ADAR: variants seen among roughly 807,000 people sequenced by gnomAD.
The protein encoded by ADAR is double-stranded RNA-specific adenosine deaminase.
Under a neutral mutation model 113.2 loss-of-function variants are expected in ADAR, and 41 were observed. The observed-to-expected ratio is 0.36, with a 90% CI of 0.28 to 0.47. The LOEUF is 0.47. Ranked by LOEUF, ADAR falls within the 20% of genes least tolerant of loss-of-function variation. The probability of loss-of-function intolerance (pLI) is 1.00; values close to 1 mark genes in which losing one functional copy is unlikely to be tolerated. For synonymous variants in ADAR, 605 were observed against 572.6 expected, an observed-to-expected ratio of 1.06 and a Z score of -0.81; for missense variants, 1,242 against 1,540.9, an observed-to-expected ratio of 0.81 and a Z score of 3.25.
chr1:154,589,641 C>T, intron 8 of ADAR, 116 bp downstream of exon 8: 1 of 1,366,344 alleles, frequency 7.3e-7, no homozygotes, highest in Non-Finnish European at 1.0e-6. Context: ...TTGACTGTAG[C>T]TAAAATGAAG....
rs765727722 is a variant in ADAR, at chr1:154,601,603, C to T, written c.1039G>A (p.Gly347Arg). 6.2e-7 allele frequency: 1 copy of T among 1,612,792 alleles called. No individual in the cohort carries two copies. Among genetic ancestry groups the T allele is most frequent in the East Asian group, 2.2e-5 (1 of 44,888 alleles). The change falls in exon 2 of 15, where the codon GGG becomes AGG. Residue 347 changes from glycine to arginine, a missense_variant. By Grantham distance (125) the Gly-to-Arg change is moderately radical. Transcript: ENST00000368474. The surrounding 1 kb of genome is among the most constrained non-coding windows in gnomAD (Gnocchi z 4.7). ...AAATGCCATATGGGAGGGGTTGTCCCTTGTCTATAGACATCCCCCTGCCTT... is the reference window on the plus strand; with the variant it reads ...AAATGCCATATGGGAGGGGTTGTCCTTTGTCTATAGACATCCCCCTGCCTT... ...MERQGDVYRQ[G>R]TTPPIWHLTD... is the part of the protein sequence containing the mutation.
At chr1:154,625,499 G>C (rs1289005062) in intron 1 of ADAR, among the ~76,000 whole-genome samples, 2 of 152,242 alleles carry the variant, frequency 1.3e-5, no homozygotes, top group Non-Finnish European at 2.9e-5. Context: ...TCAGTTGTTA[G>C]AGGGATGAAA....
At position 154,613,721 on chromosome 1, in the gene ADAR, A is replaced by G. The variant is rs572903875; in HGVS notation, c.-870-11095T>C. Among the ~76,000 whole-genome samples the G allele has an allele frequency of 3.2e-3, 480 of 152,224 alleles. 1 individual carries two copies. The highest frequency in any genetic ancestry group is 4.0e-3 in the Non-Finnish European group (275 of 68,008). On this transcript the variant is annotated intron_variant, in intron 1 of 14. Transcript: ENST00000368471. ...GGAGTTCGAGACCCGCCTGACTAACATAGAGAAACTCCGTCTTTACTAAAA... is the reference window on the plus strand; with the variant it reads ...GGAGTTCGAGACCCGCCTGACTAACGTAGAGAAACTCCGTCTTTACTAAAA...
At chr1:154,623,759 T>G (rs541469576) in intron 1 of ADAR, among the ~76,000 whole-genome samples, 1 of 152,124 alleles carries the variant, frequency 6.6e-6, no homozygotes, top group African/African-American at 2.4e-5. Context: ...TCCCAGCACT[T>G]TGGGAGGCTG....
At position 154,584,559 on chromosome 1, in the gene ADAR, A is replaced by G. The variant is rs1696618982; in HGVS notation, c.*247T>C. The G allele has an allele frequency of 2.0e-6, 1 of 511,296 alleles. No homozygotes were observed. The highest frequency in any genetic ancestry group is 2.6e-5 in the South Asian group (1 of 38,074). The allele number at this position is 511,296 out of a possible 1,614,324, so 31.7% of individuals were successfully genotyped here. A position where few individuals can be genotyped will look rare whatever the true frequency, so the allele number is the denominator to read the frequency against. On this transcript the variant is annotated 3_prime_UTR_variant, in exon 15 of 15. Transcript: ENST00000368474. ...TATGTATGCTTTGGGTAGAAAGAAA[A>G]GATAACTTCTTAGGTTTCTGCCTCT...
intron 1 of ADAR, among the ~76,000 whole-genome samples, chr1:154,614,653 G>A (rs972938645): frequency 1.3e-5 from 2 of 152,222 alleles, no homozygotes; most frequent in African/African-American, 2.4e-5. Context: ...ACCAATTTAC[G>A]AAACAACCAA....
Position 154,601,516 on chromosome 1 carries a change from C to T in ADAR, c.1126G>A (p.Ala376Thr). The T allele has an allele frequency of 7.4e-6, 12 of 1,613,752 alleles. No homozygotes were observed. The highest frequency in any genetic ancestry group is 1.1e-5 in the South Asian group (1 of 91,080). The change falls in exon 2 of 15, where the codon GCT (alanine) becomes ACT (threonine). Residue 376 changes from alanine (A) to threonine (T), a missense_variant. Physicochemically the swap from Ala to Thr is moderately conservative, Grantham distance 58. Transcript: ENST00000368474. This position sits in a 1 kb window ranked among gnomAD's most constrained non-coding sequence, Gnocchi z 4.7. ...KRNTNSVPET[A>T]PAAIPETKRN... Reference sequence around the variant, plus strand: ...TTGGTCTCAGGGATTGCAGCTGGAGCGGTTTCAGGAACACTGTTCGTATTT... The same window carrying T: ...TTGGTCTCAGGGATTGCAGCTGGAGTGGTTTCAGGAACACTGTTCGTATTT...
chr1:154,623,705 G>C (rs1382747178), intron 1 of ADAR, among the ~76,000 whole-genome samples: 1 of 152,142 alleles, frequency 6.6e-6, no homozygotes, highest in Non-Finnish European at 1.5e-5. Flanking sequence ...AGTATGCATA[G>C]AGAAAGCAGC....
intron 6 of ADAR, among the ~76,000 whole-genome samples, chr1:154,596,207 T>G (rs9427097): frequency 0.16 from 23,670 of 152,220 alleles, 2,370 homozygotes; most frequent in South Asian, 0.24. Flanking sequence ...GAGACGGAAA[T>G]GAGACTTTTC....
intron 6 of ADAR, among the ~76,000 whole-genome samples, chr1:154,590,882 AG>A (rs2101591591): frequency 6.6e-6 from 1 of 152,148 alleles, no homozygotes; most frequent in South Asian, 2.1e-4. Context: ...TGAGCCCTGG[AG>A]GTCAAGGCTG....
At chr1:154,609,280 C>T (rs1019020191), upstream of ADAR, among the ~76,000 whole-genome samples, 3 of 152,238 alleles carry the variant, frequency 2.0e-5, no homozygotes, top group Non-Finnish European at 2.9e-5. Flanking sequence ...GGTCAGGCTT[C>T]TCTAACTGCT....
At chr1:154,592,169 C>A (rs1271006155) in intron 6 of ADAR, among the ~76,000 whole-genome samples, 1 of 152,276 alleles carries the variant, frequency 6.6e-6, no homozygotes, top group South Asian at 2.1e-4. Context: ...GCCAGCTCTG[C>A]GCTTCTCCCA....
At chr1:154,587,935 AAACT>A (rs1353960190) in intron 11 of ADAR, among the ~76,000 whole-genome samples, 186 bp downstream of exon 11, 1 of 152,204 alleles carries the variant, frequency 6.6e-6, no homozygotes, top group African/African-American at 2.4e-5. Flanking sequence ...CAGATCTCCC[AAACT>A]AACACATTCA....
At chr1:154,588,757 A>G in intron 9 of ADAR, 84 bp from the exon 10 acceptor site, 5 of 1,567,248 alleles carry the variant, frequency 3.2e-6, no homozygotes, top group Non-Finnish European at 4.4e-6. Context: ...CAAATGAGAA[A>G]GTAAGGAAAA....
intron 13 of ADAR, 158 bp from the exon 14 acceptor site, chr1:154,585,502 A>ATAC (rs1289333797): frequency 2.9e-6 from 3 of 1,031,490 alleles, no homozygotes; most frequent in Non-Finnish European, 4.4e-6. Flanking sequence ...CCCTCTAGAC[A>ATAC]TACTAACTCC....
intron 1 of ADAR, among the ~76,000 whole-genome samples, chr1:154,623,572 A>T (rs1698852639): frequency 6.6e-6 from 1 of 152,174 alleles, no homozygotes; most frequent in African/African-American, 2.4e-5. Flanking sequence ...CCCAAGAGTG[A>T]GCCTATGATG....
chr1:154,590,025 G>A, intron 7 of ADAR, 97 bp from the exon 8 acceptor site: 3 of 1,540,452 alleles, frequency 1.9e-6, no homozygotes, highest in South Asian at 1.1e-5. Flanking sequence ...TGTCGTGTGA[G>A]TCATCTTTTC....
chr1:154,591,376 G>A (rs1697135123), intron 6 of ADAR, among the ~76,000 whole-genome samples: 1 of 152,254 alleles, frequency 6.6e-6, no homozygotes, highest in Admixed American at 6.5e-5. Context: ...AAGGGGACTT[G>A]ACCTGGAGAG....
chr1:154,585,164 C>T lies in ADAR; in HGVS notation c.3443+53G>A, dbSNP rs201327808. The T allele has an allele frequency of 2.8e-5, 46 of 1,614,066 alleles. 1 individual carries two copies. The Middle Eastern group carries it at 6.6e-4, about 23-fold the overall frequency. On this transcript the variant is annotated intron_variant, in intron 14 of 14. Coordinates refer to ENST00000368474, the MANE Select transcript of ADAR (RefSeq NM_001111.5). Reference sequence around the variant, plus strand: ...TGAGACTGCAGAGGTATGATGCACCCTTGCAAGTCAGGGCAGAGGCTTGGT... The same window carrying T: ...TGAGACTGCAGAGGTATGATGCACCTTTGCAAGTCAGGGCAGAGGCTTGGT...
Sources: allele counts gnomAD v4.1 joint callset (sites outside exome capture counted in the v4.1 genomes callset), GRCh38; gene constraint gnomAD v4.1.1; non-coding constraint Gnocchi (gnomAD v3.1); transcripts MANE v1.5; gene names NCBI Gene and HGNC (gene_info 2026-07-23, HGNC 2026-07-21).